Variants in ABCA5 observed in about 807,000 individuals in gnomAD.
ABCA5 encodes ATP binding cassette subfamily A member 5, also known as cholesterol transporter ABCA5.
A neutral mutation model predicts 206.0 loss-of-function variants in ABCA5; 163 were observed. The observed-to-expected ratio is 0.79, with a 90% CI of 0.70 to 0.90. ABCA5 has a LOEUF of 0.90. Ranked by LOEUF, ABCA5 falls within the 40% of genes least tolerant of loss-of-function variation. ABCA5 has a pLI of 0.00. For synonymous variants in ABCA5, 609 were observed against 613.8 expected (o/e 0.99, Z 0.11); for missense variants, 1,859 against 1,912.9 (o/e 0.97, Z 0.53).
Position 69,247,326 on chromosome 17 carries a change from A to C in ABCA5, c.*211T>G. The C allele has an allele frequency of 4.3e-6, 2 of 462,842 alleles. No homozygotes were observed. Among genetic ancestry groups the C allele is most frequent in the Non-Finnish European group, 7.6e-6 (2 of 263,080 alleles). 28.7% of individuals were successfully genotyped at this position (462,842 alleles called of 1,614,324 possible). A position where few individuals can be genotyped will look rare whatever the true frequency, so the allele number is the denominator to read the frequency against. On this transcript the variant is annotated 3_prime_UTR_variant, in exon 39 of 39. Transcript: ENST00000392676. The stretch of plus-strand genomic sequence containing the variant: ...AAACTATATAGTTCAATATACTTCA[A>C]TACAAACATGCAGCTTCACTTAATT...
At chr17:69,254,669 A>C (rs1196505974) in intron 31 of ABCA5, among the ~76,000 whole-genome samples, 179 bp from the exon 32 acceptor site, 1 of 152,084 alleles carries the variant, frequency 6.6e-6, no homozygotes, top group Non-Finnish European at 1.5e-5. Context: ...ATGTGCCACC[A>C]TGCCTGGCTA....
rs2075796340 is a variant in ABCA5, at chr17:69,314,326, C to G, written c.90G>C (p.Lys30Asn). The G allele has an allele frequency of 6.2e-7, 1 of 1,611,822 alleles. No homozygotes were observed. Among genetic ancestry groups the G allele is most frequent in the Non-Finnish European group, 8.5e-7 (1 of 1,178,248 alleles). Residue 30 changes from lysine (K) to asparagine (N), a missense_variant, in exon 2 of 39, where the codon AAG (lysine) becomes AAC (asparagine). By Grantham distance (94) the Lys-to-Asn change is moderately conservative. Transcript: ENST00000392676. The stretch of plus-strand genomic sequence containing the variant: ...TTATTTAACTTACCTGAACACTACT[C>G]TTTTTGGTTCTGCATTTAATTAAGT... ...KNYLIKCRTK[K>N]SSVQEILFPL... is the part of the protein sequence containing the mutation.
chr17:69,269,581 C>T (rs891064718), intron 22 of ABCA5, among the ~76,000 whole-genome samples: 2 of 152,068 alleles, frequency 1.3e-5, no homozygotes, highest in African/African-American at 4.8e-5. Flanking sequence ...TATGCTCATA[C>T]AAAATCTTCT....
chr17:69,315,710 G>C (rs906439292), intron 1 of ABCA5, among the ~76,000 whole-genome samples: 1 of 151,358 alleles, frequency 6.6e-6, no homozygotes, highest in Non-Finnish European at 1.5e-5. Context: ...TTGAACCCGG[G>C]AGGCGGAGGT....
intron 16 of ABCA5, 21 bp from the exon 17 acceptor site, chr17:69,286,058 C>T (rs933492022): frequency 2.5e-6 from 4 of 1,595,182 alleles, no homozygotes; most frequent in Non-Finnish European, 2.6e-6. Context: ...CCAAAAATCA[C>T]AATTAATGAT....
rs1031895298 is a variant in ABCA5, at chr17:69,326,784, C to A, written c.-16+268G>T. On this transcript the variant is annotated intron_variant, in intron 1 of 38. Transcript: ENST00000392676. The surrounding 1 kb of genome is among the most constrained non-coding windows in gnomAD (Gnocchi z 4.8). The stretch of plus-strand genomic sequence containing the variant: ...CGGAGCCCCCGCCGCAGGGCCCCGA[C>A]CCCCTCACGTCCGCATCCTGGGCGC... Among the ~76,000 whole-genome samples the A allele has an allele frequency of 1.4e-4, 21 of 152,292 alleles. No individual in the cohort carries two copies. Among genetic ancestry groups the A allele is most frequent in the Admixed American group, 2.6e-4 (4 of 15,300 alleles).
At position 69,248,430 on chromosome 17, in the gene ABCA5, TTGAAGCTGCCAAAACA is replaced by T. The variant is rs2074977006; in HGVS notation, c.4766-129_4766-114del. 9.9e-6 allele frequency: 6 copies of T among 607,882 alleles called. No homozygotes were observed. The East Asian group carries it at 1.8e-4, about 19-fold the overall frequency. 37.7% of individuals were successfully genotyped at this position (607,882 alleles called of 1,614,324 possible). ...ATCTCTGTAATCAACCCACTTAAAT[TTGAAGCTGCCAAAACA>T]TGTTATTTTTCCCGCTTACTTCCTT... On this transcript the variant is annotated intron_variant, in intron 37 of 38. Coordinates refer to ENST00000392676, the MANE Select transcript of ABCA5 (RefSeq NM_172232.4).
intron 19 of ABCA5, among the ~76,000 whole-genome samples, chr17:69,276,842 A>G (rs1265046744): frequency 6.6e-6 from 1 of 152,114 alleles, no homozygotes; most frequent in Admixed American, 6.6e-5. Flanking sequence ...TTAAATAAAC[A>G]TTTTTCTTTC....
At chr17:69,284,948 G>T (rs577950048) in intron 17 of ABCA5, among the ~76,000 whole-genome samples, 1 of 152,188 alleles carries the variant, frequency 6.6e-6, no homozygotes, top group African/African-American at 2.4e-5. Flanking sequence ...TCAAAGAAAT[G>T]TAAGAGTCAA....
At position 69,286,413 on chromosome 17, in the gene ABCA5, A is replaced by G. The variant is rs1036380305; in HGVS notation, c.2042-102T>C. The G allele has an allele frequency of 1.0e-5, 10 of 993,474 alleles. No homozygotes were observed. In the African/African-American group the frequency reaches 1.5e-4, roughly 15 times the overall value. The allele number at this position is 993,474 out of a possible 1,614,324, so 61.5% of individuals were successfully genotyped here. A position where few individuals can be genotyped will look rare whatever the true frequency, so the allele number is the denominator to read the frequency against. On this transcript the variant is annotated intron_variant, in intron 15 of 38. Coordinates refer to ENST00000392676, the MANE Select transcript of ABCA5 (RefSeq NM_172232.4). ...TCATATGAGAGTCATCCACATTATG[A>G]TATCATTAATCATCACAAAAAGTCT...
Position 69,275,443 on chromosome 17 carries a change from A to AT in ABCA5, c.2595-1316dup, listed in dbSNP as rs35249372. ...ATTTATAAATTTCACATACCCCGTAATTTTTTTAAAAAAATTCTTAAATTG... is the reference window on the plus strand; with the variant it reads ...ATTTATAAATTTCACATACCCCGTAATTTTTTTTAAAAAAATTCTTAAATTG... On this transcript the variant is annotated intron_variant, in intron 19 of 38. Transcript: ENST00000392676. 5.0e-3 allele frequency among the ~76,000 whole-genome samples: 765 copies of AT among 152,254 alleles called. 6 individuals carry two copies. Among genetic ancestry groups the AT allele is most frequent in the Admixed American group, 8.2e-3 (125 of 15,270 alleles).
intron 3 of ABCA5, 149 bp downstream of exon 3, chr17:69,312,943 T>A (rs903046565): frequency 4.8e-6 from 2 of 420,492 alleles, no homozygotes; most frequent in Non-Finnish European, 8.3e-6. Flanking sequence ...GGCAACAGAA[T>A]TAAATAATTT....
At chr17:69,254,884 T>C (rs1357568849) in intron 31 of ABCA5, among the ~76,000 whole-genome samples, 1 of 152,132 alleles carries the variant, frequency 6.6e-6, no homozygotes, top group African/African-American at 2.4e-5. Context: ...AAGTCAGAGT[T>C]CAGAGACTTG....
At chr17:69,280,585 A>G (rs547639780) in intron 18 of ABCA5, among the ~76,000 whole-genome samples, 2,808 of 150,994 alleles carry the variant, frequency 0.019, 77 homozygotes, top group African/African-American at 0.064. Context: ...ACATGCACAC[A>G]TATGTTTATT....
At chr17:69,289,343 TTA>T in intron 13 of ABCA5, 47 bp from the exon 14 acceptor site, 1 of 1,361,798 alleles carries the variant, frequency 7.3e-7, no homozygotes, top group African/African-American at 1.5e-5. Flanking sequence ...ATCATACCAT[TTA>T]TATAATTATC....
At chr17:69,259,629 A>G (rs150843609) in intron 28 of ABCA5, 77 bp downstream of exon 28, 8 of 1,019,186 alleles carry the variant, frequency 7.8e-6, no homozygotes, top group Non-Finnish European at 2.8e-6. Flanking sequence ...AAATGTTCCA[A>G]AATTATGTTA....
chr17:69,247,689 T>C, intron 38 of ABCA5, 45 bp from the exon 39 acceptor site: 1 of 1,149,144 alleles, frequency 8.7e-7, no homozygotes, highest in Non-Finnish European at 1.3e-6. Flanking sequence ...GTATCTCAAG[T>C]ACCTCAAAGA....
intron 10 of ABCA5, among the ~76,000 whole-genome samples, chr17:69,295,132 T>C (rs12949126): frequency 9.2e-5 from 14 of 152,188 alleles, no homozygotes; most frequent in Non-Finnish European, 8.8e-5. Context: ...ATTTACATTA[T>C]TATACTGTAT....
chr17:69,259,554 A>C (rs547194665), intron 28 of ABCA5, 152 bp downstream of exon 28: 2 of 484,906 alleles, frequency 4.1e-6, no homozygotes, highest in Non-Finnish European at 7.3e-6. Context: ...TAAGACTGGG[A>C]GCTATGGGAA....
Sources: gnomAD v4.1 joint callset for allele counts (sites outside exome capture counted in the v4.1 genomes callset) on GRCh38, gnomAD v4.1.1 for gene constraint, Gnocchi (gnomAD v3.1) non-coding constraint, MANE v1.5 for transcripts, NCBI Gene and HGNC (gene_info 2026-07-23, HGNC 2026-07-21) for gene names.